The following VAV2 variants were observed in gnomAD, a reference collection of about 807,000 sequenced individuals.
VAV2 encodes the protein vav guanine nucleotide exchange factor 2, also known as guanine nucleotide exchange factor VAV2.
A neutral mutation model predicts 132.5 loss-of-function variants in VAV2; 67 were observed. The ratio of observed to expected loss-of-function variants is 0.51; its 90% CI spans 0.42 to 0.62. The LOEUF (loss-of-function observed/expected upper bound fraction) is 0.62. VAV2 is among the 20% of genes least tolerant of loss of function. VAV2 has a pLI of 0.00. For synonymous variants in VAV2, 492 were observed against 443.5 expected (o/e 1.11, Z -1.37); for missense variants, 938 against 1,153.6 (o/e 0.81, Z 2.71).
At chr9:133,902,679 A>G (rs967440151) in intron 2 of VAV2, among the ~76,000 whole-genome samples, 2 of 152,246 alleles carry the variant, frequency 1.3e-5, no homozygotes, top group African/African-American at 4.8e-5. Flanking sequence ...CCAGGACCTC[A>G]GAATTTAACC....
intron 1 of VAV2, among the ~76,000 whole-genome samples, chr9:133,940,388 C>A (rs1160977192): frequency 1.3e-5 from 2 of 152,200 alleles, no homozygotes; most frequent in Admixed American, 1.3e-4. Flanking sequence ...AGAGCCTGTC[C>A]CTGCTCACTG....
Position 133,795,734 on chromosome 9 carries a change from C to T in VAV2, c.1035G>A (p.Glu345=), listed in dbSNP as rs752565749. The T allele has an allele frequency of 6.2e-7, 1 of 1,613,898 alleles. No individual in the cohort carries two copies. Among genetic ancestry groups the T allele is most frequent in the Non-Finnish European group, 8.5e-7 (1 of 1,179,778 alleles). ...RVLKYHLLLK[E]LLSHSAERPE... ...GCCGTTCCGCAGAATGGCTCAGAAG[C>T]TCCTGGAAGGGTGAGAAGAGTGTCA... The change falls in exon 12 of 30, where the codon GAG becomes GAA. Residue 345 remains glutamate (E), a splice_region_variant and synonymous_variant. Transcript: ENST00000371850.
At chr9:133,927,014 C>T (rs772333128) in intron 2 of VAV2, among the ~76,000 whole-genome samples, 17 of 152,210 alleles carry the variant, frequency 1.1e-4, no homozygotes, top group Non-Finnish European at 1.6e-4. Context: ...CAGACACCCG[C>T]AGCACTTCTG....
intron 1 of VAV2, among the ~76,000 whole-genome samples, chr9:133,964,870 G>GA (rs1230516917): frequency 1.3e-5 from 2 of 152,180 alleles, no homozygotes; most frequent in Admixed American, 6.5e-5. Flanking sequence ...ACATTATACT[G>GA]AATGGGGAGA....
intron 2 of VAV2, among the ~76,000 whole-genome samples, chr9:133,872,298 G>A (rs907569856): frequency 2.0e-5 from 3 of 152,212 alleles, no homozygotes; most frequent in Non-Finnish European, 4.4e-5. Flanking sequence ...CTGCATGCTC[G>A]GCTCCCAGCA....
chr9:133,958,603 T>C (rs1010010275), intron 1 of VAV2, among the ~76,000 whole-genome samples: 2 of 150,612 alleles, frequency 1.3e-5, no homozygotes, highest in Non-Finnish European at 3.0e-5. Context: ...GGCGGGATCC[T>C]CCATATGCTG....
intron 1 of VAV2, among the ~76,000 whole-genome samples, chr9:133,983,217 G>T (rs1000271207): frequency 2.0e-5 from 3 of 152,138 alleles, no homozygotes; most frequent in Non-Finnish European, 2.9e-5. Flanking sequence ...CCTCAAACTG[G>T]GAAGCCACAG....
intron 21 of VAV2, among the ~76,000 whole-genome samples, 183 bp from the exon 22 acceptor site, chr9:133,779,072 T>C (rs1833914937): frequency 6.6e-6 from 1 of 152,256 alleles, no homozygotes; most frequent in African/African-American, 2.4e-5. Flanking sequence ...AATATCATAA[T>C]TATTTATGCA....
chr9:133,971,017 T>A (rs552823878), intron 1 of VAV2, among the ~76,000 whole-genome samples: 13 of 152,240 alleles, frequency 8.5e-5, no homozygotes, highest in South Asian at 4.1e-4. Context: ...AAATAAAAAA[T>A]ATATATATAT....
intron 7 of VAV2, among the ~76,000 whole-genome samples, chr9:133,807,703 T>C (rs1588204293): frequency 6.6e-6 from 1 of 152,172 alleles, no homozygotes; most frequent in East Asian, 1.9e-4. Flanking sequence ...GACAGGGCCA[T>C]GGTCCCCACC....
At chr9:133,849,714 C>A (rs926768879) in intron 3 of VAV2, among the ~76,000 whole-genome samples, 1 of 152,194 alleles carries the variant, frequency 6.6e-6, no homozygotes, top group African/African-American at 2.4e-5. Flanking sequence ...TCTTCCAGCT[C>A]AGGTGGGCTC....
intron 1 of VAV2, among the ~76,000 whole-genome samples, chr9:133,975,431 A>G (rs954186965): frequency 6.6e-6 from 1 of 152,224 alleles, no homozygotes; most frequent in Admixed American, 6.5e-5. Flanking sequence ...CTTACAAAAC[A>G]GGATTAAATA....
chr9:133,847,846 C>T (rs549457617), intron 3 of VAV2, among the ~76,000 whole-genome samples: 3 of 152,186 alleles, frequency 2.0e-5, no homozygotes, highest in South Asian at 2.1e-4. Flanking sequence ...GGTGGGTGGA[C>T]GGGGCAGCTC....
At chr9:133,942,798 T>A (rs1841219162) in intron 1 of VAV2, among the ~76,000 whole-genome samples, 1 of 151,904 alleles carries the variant, frequency 6.6e-6, no homozygotes, top group Non-Finnish European at 1.5e-5. Flanking sequence ...CTTTAAGAAG[T>A]CCTCCTGGTG....
intron 2 of VAV2, among the ~76,000 whole-genome samples, chr9:133,894,517 CG>C (rs1469406944): frequency 1.3e-5 from 2 of 152,198 alleles, no homozygotes; most frequent in African/African-American, 4.8e-5. Flanking sequence ...CAGAGCTCCC[CG>C]GGTGACCCTG....
chr9:133,827,204 T>G lies in VAV2; in HGVS notation c.449+7068A>C, dbSNP rs2486342. 1.2e-3 allele frequency among the ~76,000 whole-genome samples: 83 copies of G among 70,784 alleles called. 2 individuals carry two copies. The South Asian group carries it at 0.017, about 15-fold the overall frequency. 46.4% of individuals were successfully genotyped at this position (70,784 alleles called of 152,430 possible). A position where few individuals can be genotyped will look rare whatever the true frequency, so the allele number is the denominator to read the frequency against. The stretch of plus-strand genomic sequence containing the variant: ...GCCCACTGGGGCTGACCACTGAGCA[T>G]GGGCATCGCCAGCTACTGCTGTGCC... On this transcript the variant is annotated intron_variant, in intron 4 of 29. Transcript: ENST00000371850.
intron 1 of VAV2, among the ~76,000 whole-genome samples, chr9:133,956,714 G>C (rs756260526): frequency 1.8e-4 from 28 of 152,350 alleles, no homozygotes; most frequent in Non-Finnish European, 3.4e-4. Context: ...CGAGGGAGCG[G>C]GAGGGGGATT....
chr9:133,884,994 C>G lies in VAV2; in HGVS notation c.322-23562G>C, dbSNP rs1213748881. 1.3e-5 allele frequency among the ~76,000 whole-genome samples: 2 copies of G among 152,174 alleles called. No individual in the cohort carries two copies. The highest frequency in any genetic ancestry group is 2.9e-5 in the Non-Finnish European group (2 of 68,032). ...GGAGCCTAGATCATTCCAAAGACTC[C>G]AAAGATAATGCCAAAGGCTCCACTT... On this transcript the variant is annotated intron_variant, in intron 2 of 29. Transcript: ENST00000371850. This position sits in a 1 kb window ranked among gnomAD's most constrained non-coding sequence, Gnocchi z 5.3.
chr9:133,922,578 T>C (rs1840334380), intron 2 of VAV2, among the ~76,000 whole-genome samples: 1 of 152,178 alleles, frequency 6.6e-6, no homozygotes, highest in Non-Finnish European at 1.5e-5. Context: ...TCACAAAGAT[T>C]CCAAGGCCAT....
Sources: allele counts gnomAD v4.1 joint callset (sites outside exome capture counted in the v4.1 genomes callset), GRCh38; gene constraint gnomAD v4.1.1; non-coding constraint Gnocchi (gnomAD v3.1); transcripts MANE v1.5; gene names NCBI Gene and HGNC (gene_info 2026-07-23, HGNC 2026-07-21).